The following CHST4 variants were observed in gnomAD, a reference collection of about 807,000 sequenced individuals.
CHST4 encodes the protein GST-3.
For missense variants in CHST4, 466 were observed against 506.0 expected (o/e 0.92, Z 0.76); for synonymous variants, 171 against 195.5 (o/e 0.87, Z 1.05).
chr16:71,528,249 CAAAAAAA>C (rs10716662), intron 1 of CHST4, among the ~76,000 whole-genome samples: 2 of 109,294 alleles, frequency 1.8e-5, no homozygotes, highest in Non-Finnish European at 3.6e-5. Flanking sequence ...GACTTCATTT[CAAAAAAA>C]AAAAAAAAAA....
intron 1 of CHST4, 140 bp from the exon 2 acceptor site, chr16:71,536,520 A>C (rs2043989286): frequency 6.3e-6 from 3 of 478,836 alleles, no homozygotes; most frequent in Admixed American, 7.5e-5. Context: ...GACTGGTGCC[A>C]TTGTTGGCAC....
Position 71,537,524 on chromosome 16 carries a change from C to G in CHST4, c.847C>G (p.Pro283Ala), listed in dbSNP as rs1567583451. The change falls in exon 2 of 2, where the codon CCT (proline) becomes GCT (alanine). Residue 283 changes from proline to alanine, a missense_variant. Transcript: ENST00000539698. The surrounding 1 kb of genome is among the most constrained non-coding windows in gnomAD (Gnocchi z 4.2). ...GCGCTATGAGGACCTGGCTCGAGCC[C>G]CTGTGGCCCAGACTTCCCGAATGTA... ...LVRYEDLARA[P>A]VAQTSRMYEF... 2.5e-6 allele frequency: 4 copies of G among 1,614,184 alleles called. No homozygotes were observed. The highest frequency in any genetic ancestry group is 3.4e-6 in the Non-Finnish European group (4 of 1,180,042).
Position 71,537,296 on chromosome 16 carries a change from C to G in CHST4, c.619C>G (p.Pro207Ala). The G allele has an allele frequency of 6.2e-7, 1 of 1,614,206 alleles. No homozygotes were observed. Among genetic ancestry groups the G allele is most frequent in the Non-Finnish European group, 8.5e-7 (1 of 1,180,044 alleles). Residue 207 changes from proline to alanine, a missense_variant, in exon 2 of 2, where the codon CCC becomes GCC. By Grantham distance (27) the Pro-to-Ala change is conservative (BLOSUM62 -1). Transcript: ENST00000539698. This position sits in a 1 kb window ranked among gnomAD's most constrained non-coding sequence, Gnocchi z 4.2. ...GCATATCGTGCACCTGGTCCGGGACCCCCGGGCCGTGTTCCGTTCCCGAGA... is the reference window on the plus strand; with the variant it reads ...GCATATCGTGCACCTGGTCCGGGACGCCCGGGCCGTGTTCCGTTCCCGAGA... ...NLHIVHLVRD[P>A]RAVFRSRERT...
intron 1 of CHST4, among the ~76,000 whole-genome samples, chr16:71,534,316 G>C (rs2043971059): frequency 6.6e-6 from 1 of 150,668 alleles, no homozygotes; most frequent in Admixed American, 6.6e-5. Flanking sequence ...TTGAGGCCAA[G>C]AGTTCAAGAT....
At chr16:71,526,552 G>A (rs1289571103) in intron 1 of CHST4, 57 bp downstream of exon 1, 1 of 152,202 alleles carries the variant, frequency 6.6e-6, no homozygotes, top group African/African-American at 2.4e-5. Context: ...CAGAGCTGCT[G>A]GAGCAAGAGT....
intron 1 of CHST4, among the ~76,000 whole-genome samples, chr16:71,529,107 G>GC (rs748091718): frequency 2.2e-5 from 3 of 136,110 alleles, no homozygotes; most frequent in Non-Finnish European, 3.2e-5. Context: ...TTTGTTTTTT[G>GC]TTTTTTTTTT....
chr16:71,526,973 G>A (rs893725245), intron 1 of CHST4, among the ~76,000 whole-genome samples: 1 of 152,182 alleles, frequency 6.6e-6, no homozygotes. Flanking sequence ...CCTGGGTTCT[G>A]ATCCAGAAAA....
In CHST4 at chr16:71,536,849, G is replaced by T. The variant is rs1055900105; in HGVS notation, c.172G>T (p.Val58Leu). ...TTCCTGGCGCTCTGGCTCTTCTTTTGTGGGGCAGCTTTTTGGGCAGCACCC... is the reference window on the plus strand; with the variant it reads ...TTCCTGGCGCTCTGGCTCTTCTTTTTTGGGGCAGCTTTTTGGGCAGCACCC... ...LSSWRSGSSF[V>L]GQLFGQHPDV... Residue 58 changes from valine (V) to leucine (L), a missense_variant, in exon 2 of 2, where the codon GTG becomes TTG. Transcript: ENST00000539698. 2 of 1,548,320 alleles carry T rather than the reference G, an allele frequency of 1.3e-6. No individual in the cohort carries two copies. The highest frequency in any genetic ancestry group is 2.3e-5 in the East Asian group (1 of 44,262).
At chr16:71,530,232 A>G (rs2043937896) in intron 1 of CHST4, among the ~76,000 whole-genome samples, 1 of 152,082 alleles carries the variant, frequency 6.6e-6, no homozygotes, top group Non-Finnish European at 1.5e-5. Context: ...AAGGCAGGTT[A>G]GATTCTTGAA....
At chr16:71,536,482 G>A in intron 1 of CHST4, 178 bp from the exon 2 acceptor site, 1 of 428,574 alleles carries the variant, frequency 2.3e-6, no homozygotes, top group Admixed American at 3.9e-5. Context: ...CACACTAAGT[G>A]TAAGGGACAG....
intron 1 of CHST4, among the ~76,000 whole-genome samples, chr16:71,531,999 C>G (rs1730301341): frequency 6.6e-6 from 1 of 151,058 alleles, no homozygotes; most frequent in Admixed American, 6.6e-5. Flanking sequence ...TCATTTTCCT[C>G]TTGCACTCAA....
At chr16:71,527,538 G>C (rs2043917225) in intron 1 of CHST4, among the ~76,000 whole-genome samples, 1 of 152,246 alleles carries the variant, frequency 6.6e-6, no homozygotes, top group Non-Finnish European at 1.5e-5. Context: ...CCTGAGGCCA[G>C]GAGTTCAAGA....
At chr16:71,530,449 G>A (rs2043939607) in intron 1 of CHST4, among the ~76,000 whole-genome samples, 1 of 152,106 alleles carries the variant, frequency 6.6e-6, no homozygotes, top group South Asian at 2.1e-4. Flanking sequence ...TTTTAAGCAG[G>A]AAGTTGATAG....
At chr16:71,535,383 G>T (rs922471529) in intron 1 of CHST4, among the ~76,000 whole-genome samples, 1 of 152,228 alleles carries the variant, frequency 6.6e-6, no homozygotes, top group Non-Finnish European at 1.5e-5. Context: ...ATGTTGGCCA[G>T]GCTGGTCTCA....
intron 1 of CHST4, among the ~76,000 whole-genome samples, chr16:71,532,605 C>G (rs182155000): frequency 6.6e-6 from 1 of 152,266 alleles, no homozygotes; most frequent in Non-Finnish European, 1.5e-5. Context: ...GGAAAACCCA[C>G]GAGCTGGCAA....
intron 1 of CHST4, among the ~76,000 whole-genome samples, chr16:71,534,229 TA>T (rs1432084299): frequency 1.3e-5 from 2 of 151,450 alleles, no homozygotes; most frequent in Non-Finnish European, 2.9e-5. Flanking sequence ...TATTACCTAT[TA>T]AAAACTTTTT....
chr16:71,529,382 A>G (rs904478839), intron 1 of CHST4, among the ~76,000 whole-genome samples: 1 of 151,988 alleles, frequency 6.6e-6, no homozygotes, highest in Non-Finnish European at 1.5e-5. Context: ...CGGCATGGGT[A>G]ATGTGCTCAC....
At chr16:71,529,107 G>GTTTT (rs397717246) in intron 1 of CHST4, among the ~76,000 whole-genome samples, 1 of 136,110 alleles carries the variant, frequency 7.3e-6, no homozygotes, top group Non-Finnish European at 1.6e-5. Flanking sequence ...TTTGTTTTTT[G>GTTTT]TTTTTTTTTT....
chr16:71,536,271 T>G (rs1040746840), intron 1 of CHST4, among the ~76,000 whole-genome samples: 1 of 152,144 alleles, frequency 6.6e-6, no homozygotes, highest in African/African-American at 2.4e-5. Context: ...CCTCCAAGAC[T>G]TGAGTCAGAC....
Sources: gnomAD v4.1 joint callset for allele counts (sites outside exome capture counted in the v4.1 genomes callset) on GRCh38, gnomAD v4.1.1 for gene constraint, Gnocchi (gnomAD v3.1) non-coding constraint, MANE v1.5 for transcripts, NCBI Gene and HGNC (gene_info 2026-07-23, HGNC 2026-07-21) for gene names.